Variants in PLEKHA8 observed in about 807,000 individuals in gnomAD.
PLEKHA8 encodes pleckstrin homology domain containing A8.
Under a neutral mutation model 68.2 loss-of-function variants are expected in PLEKHA8, and 36 were observed. The observed-to-expected ratio is 0.53, with a 90% confidence interval of 0.40 to 0.70. The LOEUF (loss-of-function observed/expected upper bound fraction) is 0.70. Ranked by LOEUF, PLEKHA8 falls within the 30% of genes least tolerant of loss-of-function variation. The pLI is 0.00. For synonymous variants in PLEKHA8, 211 were observed against 216.1 expected (o/e 0.98, Z 0.20); for missense variants, 505 against 615.4 (o/e 0.82, Z 1.90).
intron 13 of PLEKHA8, among the ~76,000 whole-genome samples, chr7:30,109,538 A>G (rs1796190900): frequency 7.1e-6 from 1 of 140,720 alleles, no homozygotes; most frequent in Non-Finnish European, 1.5e-5. Context: ...CAGTCAGCCA[A>G]GATCGCGCCA....
chr7:30,126,025 T>C (rs1253847721), intron 13 of PLEKHA8, among the ~76,000 whole-genome samples: 2 of 152,056 alleles, frequency 1.3e-5, no homozygotes, highest in Non-Finnish European at 2.9e-5. Context: ...ACCTGTCACA[T>C]TTGAGGGTTA....
chr7:30,096,576 TGA>T (rs1795629690), intron 13 of PLEKHA8, among the ~76,000 whole-genome samples: 1 of 152,226 alleles, frequency 6.6e-6, no homozygotes, highest in South Asian at 2.1e-4. Context: ...ATAGGAGTGG[TGA>T]GAGAGGGCAT....
chr7:30,119,378 C>T (rs1412111748), intron 13 of PLEKHA8, among the ~76,000 whole-genome samples: 2 of 152,154 alleles, frequency 1.3e-5, no homozygotes, highest in East Asian at 1.9e-4. Flanking sequence ...ATAGCTAGTA[C>T]ATGAAAGCTC....
intron 1 of PLEKHA8, among the ~76,000 whole-genome samples, chr7:30,043,006 T>G (rs975888638): frequency 5.9e-5 from 9 of 151,762 alleles, no homozygotes; most frequent in Non-Finnish European, 8.8e-5. Context: ...GCATCACCTT[T>G]TTTGTTTGTT....
At chr7:30,105,544 A>C (rs1306084960) in intron 13 of PLEKHA8, among the ~76,000 whole-genome samples, 1 of 152,202 alleles carries the variant, frequency 6.6e-6, no homozygotes, top group Non-Finnish European at 1.5e-5. Context: ...ATTCCAATCC[A>C]GTTCAAATAG....
At chr7:30,085,809 C>A (rs754997721), downstream of PLEKHA8, among the ~76,000 whole-genome samples, 7 of 152,092 alleles carry the variant, frequency 4.6e-5, no homozygotes, top group Non-Finnish European at 1.0e-4. Flanking sequence ...ACTGGGGTGG[C>A]TATGTTGTGC....
chr7:30,049,394 G>A lies in PLEKHA8; in HGVS notation c.597+12G>A. On this transcript the variant is annotated intron_variant, in intron 5 of 13. Transcript: ENST00000449726. The stretch of plus-strand genomic sequence containing the variant: ...TCAAGTCCAGCAAGGTAAAAGTCCA[G>A]CTCAGTTTGGCTGCAACAAGGCATC... 1 of 1,610,006 alleles carries A rather than the reference G, an allele frequency of 6.2e-7. No individual in the cohort carries two copies. The highest frequency in any genetic ancestry group is 8.5e-7 in the Non-Finnish European group (1 of 1,177,278).
downstream of PLEKHA8, among the ~76,000 whole-genome samples, chr7:30,087,847 A>G (rs1402219294): frequency 6.6e-6 from 1 of 152,226 alleles, no homozygotes; most frequent in Non-Finnish European, 1.5e-5. Context: ...CTGCATTTCT[A>G]AATGATACTT....
intron 13 of PLEKHA8, among the ~76,000 whole-genome samples, chr7:30,112,088 C>T (rs368517335): frequency 4.0e-5 from 6 of 151,688 alleles, no homozygotes; most frequent in African/African-American, 1.5e-4. Flanking sequence ...TGATATCAGA[C>T]AAAAAAGACT....
chr7:30,081,751 G>A lies in PLEKHA8; in HGVS notation c.*2964G>A. 1.9e-5 allele frequency: 19 copies of A among 985,378 alleles called. No individual in the cohort carries two copies. Among genetic ancestry groups the A allele is most frequent in the Non-Finnish European group, 2.3e-5 (19 of 829,888 alleles). The allele number at this position is 985,378 out of a possible 1,614,324, so 61.0% of individuals were successfully genotyped here. A position where few individuals can be genotyped will look rare whatever the true frequency, so the allele number is the denominator to read the frequency against. ...GGAAATTGGTCTACTAGGTATTGTA[G>A]ACACAAATAAGTAACATTAGGCTAA... On this transcript the variant is annotated 3_prime_UTR_variant, in exon 14 of 14. Coordinates refer to ENST00000449726, the MANE Select transcript of PLEKHA8 (RefSeq NM_001197026.2).
chr7:30,098,879 A>G (rs1041963630), intron 13 of PLEKHA8, among the ~76,000 whole-genome samples: 2 of 152,196 alleles, frequency 1.3e-5, no homozygotes, highest in African/African-American at 4.8e-5. Flanking sequence ...TCAGTTGGAA[A>G]TGCAGAAATC....
At chr7:30,113,405 T>C (rs1258667436) in intron 13 of PLEKHA8, among the ~76,000 whole-genome samples, 1 of 152,242 alleles carries the variant, frequency 6.6e-6, no homozygotes, top group Non-Finnish European at 1.5e-5. Context: ...CTGTTGTCTC[T>C]TGGCCTCTGA....
chr7:30,061,668 A>T (rs1053463477), intron 10 of PLEKHA8, among the ~76,000 whole-genome samples: 1 of 152,244 alleles, frequency 6.6e-6, no homozygotes, highest in Non-Finnish European at 1.5e-5. Context: ...GGCAGAAAAA[A>T]TAACTTTAAG....
chr7:30,076,108 C>G (rs1794594685), intron 13 of PLEKHA8, among the ~76,000 whole-genome samples: 1 of 151,288 alleles, frequency 6.6e-6, no homozygotes, highest in Non-Finnish European at 1.5e-5. Context: ...GTATAATTGT[C>G]TTTATTTTGT....
intron 9 of PLEKHA8, among the ~76,000 whole-genome samples, 199 bp downstream of exon 9, chr7:30,055,541 T>G (rs1016931668): frequency 1.3e-5 from 2 of 152,256 alleles, no homozygotes; most frequent in Non-Finnish European, 2.9e-5. Flanking sequence ...TAATAATGAT[T>G]AAATATTGAC....
chr7:30,093,862 G>C (rs190817374), downstream of PLEKHA8, among the ~76,000 whole-genome samples: 1 of 152,354 alleles, frequency 6.6e-6, no homozygotes, highest in Non-Finnish European at 1.5e-5. Flanking sequence ...GGAATGGTCA[G>C]ATTGGACTCT....
Position 30,079,813 on chromosome 7 carries a change from C to T in PLEKHA8, c.*1026C>T. The T allele has an allele frequency of 1.1e-6, 1 of 900,204 alleles. No individual in the cohort carries two copies. The highest frequency in any genetic ancestry group is 1.3e-6 in the Non-Finnish European group (1 of 752,764). 55.8% of individuals were successfully genotyped at this position (900,204 alleles called of 1,614,324 possible). On this transcript the variant is annotated 3_prime_UTR_variant, in exon 14 of 14. Coordinates refer to ENST00000449726, the MANE Select transcript of PLEKHA8 (RefSeq NM_001197026.2). ...ATTTCAGTAAACTTTACACGTGATT[C>T]TTCTGCACACAGTATTGAAGAGCAA...
chr7:30,076,499 G>A (rs1562534182), intron 13 of PLEKHA8, among the ~76,000 whole-genome samples: 1 of 152,180 alleles, frequency 6.6e-6, no homozygotes, highest in South Asian at 2.1e-4. Flanking sequence ...TGCACTAGAT[G>A]TTGTTTTAAG....
At chr7:30,062,589 G>A (rs974147622) in intron 11 of PLEKHA8, 83 bp from the exon 12 acceptor site, 2 of 968,414 alleles carry the variant, frequency 2.1e-6, no homozygotes, top group Non-Finnish European at 3.3e-6. Context: ...TACTGAAATG[G>A]AAGCTGATGT....
Sources: allele counts gnomAD v4.1 joint callset (sites outside exome capture counted in the v4.1 genomes callset), GRCh38; gene constraint gnomAD v4.1.1; transcripts MANE v1.5; gene names NCBI Gene and HGNC (gene_info 2026-07-23, HGNC 2026-07-21).